HVCN1: variants seen among roughly 807,000 people sequenced by gnomAD.
HVCN1 encodes hydrogen voltage gated channel 1, also known as voltage-gated hydrogen channel 1.
A neutral mutation model predicts 29.2 loss-of-function variants in HVCN1; 14 were observed. The ratio of observed to expected loss-of-function variants is 0.48; its 90% CI spans 0.32 to 0.75. The LOEUF is 0.75. Ranked by LOEUF, HVCN1 falls within the 30% of genes least tolerant of loss-of-function variation. HVCN1 has a pLI of 0.04. For synonymous variants in HVCN1, 131 were observed against 133.2 expected (o/e 0.98, Z 0.11); for missense variants, 263 against 341.8 (o/e 0.77, Z 1.82).
upstream of HVCN1, among the ~76,000 whole-genome samples, chr12:110,693,530 G>GTGAAA (rs748096435): frequency 2.5e-4 from 38 of 150,952 alleles, no homozygotes; most frequent in Non-Finnish European, 3.4e-4. Flanking sequence ...GGCAACAAGA[G>GTGAAA]TGAAACTCCA....
intron 3 of HVCN1, among the ~76,000 whole-genome samples, chr12:110,679,110 G>A (rs1190860955): frequency 2.0e-5 from 3 of 152,148 alleles, no homozygotes; most frequent in Non-Finnish European, 4.4e-5. Flanking sequence ...AGAGGGAGGG[G>A]CTGCCTAGGC....
intron 5 of HVCN1, among the ~76,000 whole-genome samples, chr12:110,652,185 G>A (rs1447600696): frequency 5.3e-5 from 8 of 152,206 alleles, no homozygotes; most frequent in South Asian, 2.1e-4. Context: ...CCTGAGGCCC[G>A]GAGTTTGAGA....
intron 3 of HVCN1, among the ~76,000 whole-genome samples, chr12:110,669,281 G>A (rs1337263432): frequency 6.6e-6 from 1 of 151,656 alleles, no homozygotes; most frequent in Non-Finnish European, 1.5e-5. Context: ...GCACTCCATC[G>A]TCCCCTCTCC....
At chr12:110,700,275 G>A (rs957189955) in intron 2 of HVCN1, among the ~76,000 whole-genome samples, 1 of 152,210 alleles carries the variant, frequency 6.6e-6, no homozygotes, top group African/African-American at 2.4e-5. Flanking sequence ...GAGAAGTGAA[G>A]CTGTTTGTCC....
At chr12:110,689,868 T>G (rs1206790674), upstream of HVCN1, 1 of 152,362 alleles carries the variant, frequency 6.6e-6, no homozygotes, top group Non-Finnish European at 1.5e-5. This position sits in a 1 kb window ranked among gnomAD's most constrained non-coding sequence, Gnocchi z 5.7. Context: ...TCTGTTAGCT[T>G]CTGTCTTCCC....
chr12:110,662,915 G>T (rs1453352708), intron 3 of HVCN1, among the ~76,000 whole-genome samples: 2 of 152,136 alleles, frequency 1.3e-5, no homozygotes, highest in African/African-American at 2.4e-5. Context: ...AAAAGAGAAA[G>T]AAAAACTCCA....
Position 110,662,691 on chromosome 12 carries a change from T to C in HVCN1, c.22-1243A>G, listed in dbSNP as rs369769804. 1.8e-4 allele frequency among the ~76,000 whole-genome samples: 27 copies of C among 152,260 alleles called. No individual in the cohort carries two copies. In the South Asian group the frequency reaches 2.7e-3, roughly 15 times the overall value. On this transcript the variant is annotated intron_variant, in intron 3 of 7. Transcript: ENST00000242607. ...CTGCACTCCAGCCTGGGCAACAGGTTGAGACCTTGTCTCAAAACACAAACA... is the reference window on the plus strand; with the variant it reads ...CTGCACTCCAGCCTGGGCAACAGGTCGAGACCTTGTCTCAAAACACAAACA...
intron 2 of HVCN1, among the ~76,000 whole-genome samples, chr12:110,687,355 C>G (rs1388897927): frequency 6.6e-6 from 1 of 151,618 alleles, no homozygotes; most frequent in Non-Finnish European, 1.5e-5. Flanking sequence ...AGGGACAACT[C>G]GACATTTATG....
intron 2 of HVCN1, among the ~76,000 whole-genome samples, chr12:110,687,768 G>A (rs925108148): frequency 6.6e-6 from 1 of 152,106 alleles, no homozygotes; most frequent in African/African-American, 2.4e-5. Context: ...AGCTCCCAGG[G>A]CCCAAGCCCC....
At chr12:110,668,596 A>C (rs1282813205) in intron 3 of HVCN1, among the ~76,000 whole-genome samples, 1 of 152,150 alleles carries the variant, frequency 6.6e-6, no homozygotes, top group Non-Finnish European at 1.5e-5. Flanking sequence ...CTGCCTCTGC[A>C]TCCCTCAGGC....
At chr12:110,699,692 G>A (rs946984196) in intron 2 of HVCN1, among the ~76,000 whole-genome samples, 4 of 152,036 alleles carry the variant, frequency 2.6e-5, no homozygotes, top group East Asian at 1.9e-4. Flanking sequence ...TAACAGCGCC[G>A]CTGCCCCTCC....
upstream of HVCN1, among the ~76,000 whole-genome samples, chr12:110,694,763 G>A (rs919602532): frequency 6.6e-6 from 1 of 152,196 alleles, no homozygotes; most frequent in African/African-American, 2.4e-5. The surrounding 1 kb of genome is among the most constrained non-coding windows in gnomAD (Gnocchi z 4.6). Flanking sequence ...TCTGCACAAG[G>A]CCTGGGCACC....
chr12:110,666,036 T>A, intron 3 of HVCN1, among the ~76,000 whole-genome samples: 3 of 148,124 alleles, frequency 2.0e-5, no homozygotes, highest in Non-Finnish European at 1.5e-5. Context: ...AAAAAAAAGA[T>A]CCAGATGGAT....
chr12:110,662,824 T>C (rs2068222926), intron 3 of HVCN1, among the ~76,000 whole-genome samples: 3 of 152,058 alleles, frequency 2.0e-5, no homozygotes, highest in South Asian at 2.1e-4. Context: ...TTAAAAGATA[T>C]ACTACAGACT....
chr12:110,697,225 G>A (rs897799842), intron 2 of HVCN1, among the ~76,000 whole-genome samples: 13 of 152,166 alleles, frequency 8.5e-5, no homozygotes, highest in African/African-American at 1.9e-4. Context: ...AGGCTTGGGC[G>A]TCATCAGTGC....
At chr12:110,654,501 G>A (rs1383001123) in intron 5 of HVCN1, among the ~76,000 whole-genome samples, 1 of 144,142 alleles carries the variant, frequency 6.9e-6, no homozygotes, top group Non-Finnish European at 1.5e-5. Flanking sequence ...TCCTGGAGAC[G>A]GAGTTTTGCT....
chr12:110,666,060 A>G (rs2068337688), intron 3 of HVCN1, among the ~76,000 whole-genome samples: 1 of 152,100 alleles, frequency 6.6e-6, no homozygotes, highest in Admixed American at 6.6e-5. Context: ...TTAGAACTGA[A>G]AAGTATATAT....
chr12:110,701,108 G>T (rs2069559618), intron 2 of HVCN1, among the ~76,000 whole-genome samples: 1 of 152,156 alleles, frequency 6.6e-6, no homozygotes, highest in Non-Finnish European at 1.5e-5. Context: ...TCTCACTGAG[G>T]CCTTGTATCC....
rs150022796 is a variant in HVCN1, at chr12:110,685,923, C to G, written c.-19-2659G>C. On this transcript the variant is annotated intron_variant, in intron 2 of 7. Coordinates refer to ENST00000242607, the MANE Select transcript of HVCN1 (RefSeq NM_032369.4). ...TCTCAAACTCCTGAGTTCAAGTGATCCTCCTGCCTCAGCCTCCCATGGTGT... is the reference window on the plus strand; with the variant it reads ...TCTCAAACTCCTGAGTTCAAGTGATGCTCCTGCCTCAGCCTCCCATGGTGT... Among the ~76,000 whole-genome samples, 766 of 152,230 alleles carry G rather than the reference C, an allele frequency of 5.0e-3. 10 individuals are homozygous for G. Among genetic ancestry groups the G allele is most frequent in the African/African-American group, 0.018 (740 of 41,528 alleles).
Sources: gnomAD v4.1 joint callset for allele counts (sites outside exome capture counted in the v4.1 genomes callset) on GRCh38, gnomAD v4.1.1 for gene constraint, Gnocchi (gnomAD v3.1) non-coding constraint, MANE v1.5 for transcripts, NCBI Gene and HGNC (gene_info 2026-07-23, HGNC 2026-07-21) for gene names.